CFAP299: variants seen among roughly 807,000 people sequenced by gnomAD.
CFAP299 encodes the protein cilia and flagella associated protein 299, also known as cilia- and flagella-associated protein 299.
In CFAP299, 21 loss-of-function variants were observed where a neutral mutation model predicts 27.0. That is an observed-to-expected ratio of 0.78 (90% confidence interval 0.55 to 1.12). The LOEUF (loss-of-function observed/expected upper bound fraction) is 1.12, where lower values mean the gene tolerates loss of function less well. Among genes scored for constraint, CFAP299 ranks in the 50% most tolerant of loss-of-function variants. The pLI, the probability that CFAP299 is intolerant of heterozygous loss-of-function variation, is 0.00. For synonymous variants in CFAP299, 104 were observed against 98.1 expected, an observed-to-expected ratio of 1.06 and a Z score of -0.36; for missense variants, 310 against 276.6, an observed-to-expected ratio of 1.12 and a Z score of -0.86.
chr4:80,523,168 A>G (rs1733005273), intron 2 of CFAP299, among the ~76,000 whole-genome samples: 1 of 152,072 alleles, frequency 6.6e-6, no homozygotes. Flanking sequence ...TTTCAGCAAT[A>G]TTTGTAGTTT....
chr4:80,799,575 T>TTATAAATATATTA (rs1728160314), intron 3 of CFAP299, among the ~76,000 whole-genome samples: 5 of 73,322 alleles, frequency 6.8e-5, no homozygotes, highest in East Asian at 4.0e-4. Flanking sequence ...ATATATATAT[T>TTATAAATATATTA]TATAAAATAT....
intron 3 of CFAP299, among the ~76,000 whole-genome samples, chr4:80,730,347 C>G (rs920247148): frequency 9.4e-5 from 14 of 149,596 alleles, no homozygotes; most frequent in Admixed American, 8.7e-4. Flanking sequence ...CCCCCAGGGT[C>G]TATAAGCACA....
At chr4:80,426,417 C>T (rs1727530813) in intron 2 of CFAP299, among the ~76,000 whole-genome samples, 2 of 152,076 alleles carry the variant, frequency 1.3e-5, no homozygotes, top group South Asian at 4.1e-4. Flanking sequence ...GGAAATGAAA[C>T]TATCTATTGT....
intron 2 of CFAP299, among the ~76,000 whole-genome samples, chr4:80,464,925 T>A (rs1008954785): frequency 1.3e-5 from 2 of 152,198 alleles, no homozygotes; most frequent in African/African-American, 4.8e-5. Context: ...TTTCTCCTCT[T>A]CTATAAGAAT....
At chr4:80,521,010 A>G (rs566607038) in intron 2 of CFAP299, among the ~76,000 whole-genome samples, 1 of 152,282 alleles carries the variant, frequency 6.6e-6, no homozygotes, top group South Asian at 2.1e-4. Context: ...TGCAAATAGG[A>G]AATTATGTAA....
chr4:80,621,211 G>A (rs912184467), intron 3 of CFAP299, among the ~76,000 whole-genome samples: 5 of 152,082 alleles, frequency 3.3e-5, no homozygotes, highest in African/African-American at 4.8e-5. Context: ...TGATTTGAAT[G>A]TTGGCACCTG....
At position 80,957,185 on chromosome 4, in the gene CFAP299, G is replaced by A. The variant is rs111977546; in HGVS notation, c.607-6332G>A. Among the ~76,000 whole-genome samples, 578 of 152,158 alleles carry A rather than the reference G, an allele frequency of 3.8e-3. 8 individuals are homozygous for A. Among genetic ancestry groups the A allele is most frequent in the African/African-American group, 0.013 (553 of 41,508 alleles). On this transcript the variant is annotated intron_variant, in intron 5 of 5. Transcript: ENST00000358105. ...ACTTTTTACTGTTGGACTTATTTCAGTATCTTGTTTTACCCATATTTTATA... is the reference window on the plus strand; with the variant it reads ...ACTTTTTACTGTTGGACTTATTTCAATATCTTGTTTTACCCATATTTTATA...
chr4:80,375,832 AAT>A (rs1560536320), intron 2 of CFAP299, among the ~76,000 whole-genome samples: 1 of 152,232 alleles, frequency 6.6e-6, no homozygotes, highest in Non-Finnish European at 1.5e-5. Flanking sequence ...CCCAGAAAAC[AAT>A]ATGTCATGAG....
At chr4:80,688,524 C>T (rs957112146) in intron 3 of CFAP299, among the ~76,000 whole-genome samples, 1 of 152,154 alleles carries the variant, frequency 6.6e-6, no homozygotes, top group Non-Finnish European at 1.5e-5. Flanking sequence ...AAAGGACATC[C>T]ACAGCAAAAA....
intron 2 of CFAP299, among the ~76,000 whole-genome samples, chr4:80,389,846 G>C (rs1351562679): frequency 1.3e-5 from 2 of 152,116 alleles, no homozygotes; most frequent in Non-Finnish European, 2.9e-5. Context: ...TTGAGGCACA[G>C]AATTTTAAGA....
intron 2 of CFAP299, among the ~76,000 whole-genome samples, chr4:80,434,538 G>C (rs1035736799): frequency 1.3e-5 from 2 of 152,190 alleles, no homozygotes; most frequent in Non-Finnish European, 2.9e-5. Context: ...ATGTAGATAA[G>C]AGCAATACCT....
chr4:80,853,165 G>C (rs1731624658), intron 3 of CFAP299, among the ~76,000 whole-genome samples: 2 of 151,976 alleles, frequency 1.3e-5, no homozygotes, highest in African/African-American at 4.8e-5. Flanking sequence ...CAAGTAACTG[G>C]GATTACAGGT....
intron 2 of CFAP299, among the ~76,000 whole-genome samples, chr4:80,469,100 CT>C (rs1467310176): frequency 4.6e-5 from 7 of 152,144 alleles, no homozygotes; most frequent in Non-Finnish European, 8.8e-5. Context: ...GCCAGTGGTT[CT>C]TAATATGTGG....
chr4:80,820,760 A>G (rs1361089169), intron 3 of CFAP299, among the ~76,000 whole-genome samples: 1 of 152,180 alleles, frequency 6.6e-6, no homozygotes, highest in Non-Finnish European at 1.5e-5. Flanking sequence ...CGCCTGCCAT[A>G]TTGCCCAGCA....
chr4:80,562,223 G>A (rs1735066341), intron 2 of CFAP299, among the ~76,000 whole-genome samples: 1 of 151,844 alleles, frequency 6.6e-6, no homozygotes, highest in African/African-American at 2.4e-5. Flanking sequence ...AAGGCAGGAA[G>A]GAAGGAAACA....
chr4:80,946,168 A>G (rs1378812509), intron 5 of CFAP299, among the ~76,000 whole-genome samples: 1 of 152,160 alleles, frequency 6.6e-6, no homozygotes, highest in Admixed American at 6.5e-5. Context: ...AACAAGAAAT[A>G]GATGATTACC....
At chr4:80,538,634 TTG>T (rs34061356) in intron 2 of CFAP299, among the ~76,000 whole-genome samples, 13,581 of 152,198 alleles carry the variant, frequency 0.089, 646 homozygotes, top group Middle Eastern at 0.19. Flanking sequence ...ATACTTACCT[TTG>T]TGTTAAAATT....
chr4:80,529,628 T>G (rs1733367625), intron 2 of CFAP299, among the ~76,000 whole-genome samples: 1 of 152,180 alleles, frequency 6.6e-6, no homozygotes, highest in Non-Finnish European at 1.5e-5. Flanking sequence ...CAAGAGTTAT[T>G]TCAAAAAGCT....
Position 80,345,732 on chromosome 4 carries a change from CAT to C in CFAP299, c.111+9856_111+9857del, listed in dbSNP as rs1361059354. 4.6e-5 allele frequency among the ~76,000 whole-genome samples: 7 copies of C among 152,142 alleles called. No homozygotes were observed. The South Asian group carries it at 1.2e-3, about 27-fold the overall frequency. ...CTTTTGTGAATAGCGCCACAATAAA[CAT>C]ATGTGTGCATGTGTCTTTATAGTAG... On this transcript the variant is annotated intron_variant, in intron 1 of 5. Transcript: ENST00000358105.
Sources: gnomAD v4.1 joint callset for allele counts (sites outside exome capture counted in the v4.1 genomes callset) on GRCh38, gnomAD v4.1.1 for gene constraint, MANE v1.5 for transcripts, NCBI Gene and HGNC (gene_info 2026-07-23, HGNC 2026-07-21) for gene names.